The following JAK1 variants were observed in gnomAD, a reference collection of about 807,000 sequenced individuals.
JAK1 encodes the protein tyrosine-protein kinase JAK1.
JAK1 carries 16 observed loss-of-function variants against 136.6 expected under a neutral mutation model. That is an observed-to-expected ratio of 0.12 (90% CI 0.08 to 0.18). The LOEUF (loss-of-function observed/expected upper bound fraction) is 0.18. Ranked by LOEUF, JAK1 falls within the 10% of genes least tolerant of loss-of-function variation. The probability of loss-of-function intolerance (pLI) is 1.00; values close to 1 mark genes in which losing one functional copy is unlikely to be tolerated. For missense variants in JAK1, 859 were observed against 1,450.1 expected, an observed-to-expected ratio of 0.59 and a Z score of 6.62; for synonymous variants, 492 against 519.5, an observed-to-expected ratio of 0.95 and a Z score of 0.72.
At chr1:64,992,035 T>TA (rs1333927209) in intron 2 of JAK1, 1 of 152,194 alleles carries the variant, frequency 6.6e-6, no homozygotes, top group East Asian at 1.9e-4. Flanking sequence ...ACAATCCCTA[T>TA]AAAAATCCCA....
rs137855123 is a variant in JAK1 at position 64,883,336 on chromosome 1, C to T, written c.146G>A (p.Arg49Gln). Residue 49 changes from arginine (R) to glutamine (Q), a missense_variant, in exon 3 of 25, where the codon CGG becomes CAG. Arg to Gln is a conservative substitution (Grantham distance 43). This residue lies in a region of JAK1 where 353 missense variants were observed against 494.0 expected (regional missense o/e 0.71). Transcript: ENST00000342505. Reference sequence around the variant, plus strand: ...TGCTGTGTACTCTCCACTGCCCAGCCGGAGGGGCTCCCTGTCCGACAGATA... The same window carrying T: ...TGCTGTGTACTCTCCACTGCCCAGCTGGAGGGGCTCCCTGTCCGACAGATA... ...IFYLSDREPL[R>Q]LGSGEYTAEE... The T allele has an allele frequency of 1.9e-5, 30 of 1,614,202 alleles. No individual in the cohort carries two copies. Among genetic ancestry groups the T allele is most frequent in the African/African-American group, 2.7e-5 (2 of 75,052 alleles).
rs1355046457 is a variant in JAK1, at chr1:64,833,310, G to GTGAT, written c.*1248_*1251dup. On this transcript the variant is annotated 3_prime_UTR_variant, in exon 25 of 25. Transcript: ENST00000342505. The stretch of plus-strand genomic sequence containing the variant: ...CCACAGGTTTGACACAGAGACCTTG[G>GTGAT]TGATGTAGGCTATGAACAAATTTAA... 1 of 232,310 alleles carries GTGAT rather than the reference G, an allele frequency of 4.3e-6. No homozygotes were observed. Among genetic ancestry groups the GTGAT allele is most frequent in the Non-Finnish European group, 8.5e-6 (1 of 117,286 alleles). 14.4% of individuals were successfully genotyped at this position (232,310 alleles called of 1,614,324 possible). A position where few individuals can be genotyped will look rare whatever the true frequency, so the allele number is the denominator to read the frequency against.
At chr1:64,989,966 G>C (rs886932803) in intron 2 of JAK1, 1 of 151,444 alleles carries the variant, frequency 6.6e-6, no homozygotes, top group Non-Finnish European at 1.5e-5. Context: ...TTGTTTGTTT[G>C]TTTGTTTTGT....
intron 1 of JAK1, among the ~76,000 whole-genome samples, chr1:64,902,965 CTTTGCCCCGT>C (rs1645134377): frequency 2.0e-5 from 3 of 152,248 alleles, no homozygotes; most frequent in African/African-American, 7.2e-5. Context: ...ACTGTAAGGT[CTTTGCCCCGT>C]TTTCTTAATT....
chr1:65,063,175 A>G (rs770107682), intron 1 of JAK1, among the ~76,000 whole-genome samples: 3 of 152,242 alleles, frequency 2.0e-5, no homozygotes, highest in Non-Finnish European at 4.4e-5. Context: ...GATGAAGCAA[A>G]GAAAAAATAA....
At chr1:65,036,380 A>T (rs1647074956) in intron 2 of JAK1, among the ~76,000 whole-genome samples, 1 of 152,034 alleles carries the variant, frequency 6.6e-6, no homozygotes, top group Admixed American at 6.6e-5. Flanking sequence ...GGCTGCAGTG[A>T]ACTATGATAA....
At chr1:64,939,362 A>C (rs1268632842) in intron 1 of JAK1, among the ~76,000 whole-genome samples, 4 of 152,232 alleles carry the variant, frequency 2.6e-5, no homozygotes, top group African/African-American at 9.6e-5. Context: ...ACAAGGAAAG[A>C]AGTTCAAACG....
chr1:64,936,633 T>C (rs940400226), intron 1 of JAK1, among the ~76,000 whole-genome samples: 13 of 152,178 alleles, frequency 8.5e-5, no homozygotes, highest in South Asian at 2.1e-4. Context: ...CTGTGACCAG[T>C]AGCCAGGGTG....
At chr1:65,051,285 C>G (rs923423791) in intron 1 of JAK1, among the ~76,000 whole-genome samples, 1 of 151,630 alleles carries the variant, frequency 6.6e-6, no homozygotes, top group Non-Finnish European at 1.5e-5. Flanking sequence ...ATTAAAAATC[C>G]ATAATTCCCT....
At chr1:64,965,288 T>C (rs1265944703) in intron 1 of JAK1, among the ~76,000 whole-genome samples, 2 of 152,070 alleles carry the variant, frequency 1.3e-5, no homozygotes, top group Non-Finnish European at 1.5e-5. Flanking sequence ...AAAGTGTCAA[T>C]GACATGTATA....
intron 1 of JAK1, among the ~76,000 whole-genome samples, chr1:64,890,415 T>C (rs1340000654): frequency 6.6e-6 from 1 of 152,224 alleles, no homozygotes; most frequent in Non-Finnish European, 1.5e-5. Context: ...CCACTAACTC[T>C]ATACTAGCAA....
At chr1:64,847,804 C>T in intron 12 of JAK1, 129 bp from the exon 13 acceptor site, 2 of 1,014,750 alleles carry the variant, frequency 2.0e-6, no homozygotes, top group Non-Finnish European at 2.9e-6. Context: ...CTCCCTGCCC[C>T]AGCTCGTGGT....
Position 64,941,157 on chromosome 1 carries a change from T to A in JAK1, c.-78+25176A>T, listed in dbSNP as rs138497915. On this transcript the variant is annotated intron_variant, in intron 1 of 24. Coordinates refer to ENST00000342505, the MANE Select transcript of JAK1 (RefSeq NM_002227.4). ...TCCAGCCTGGGCTATGGACTCCAACTCAAAAATAATAATAATAAAAATAAA... is the reference window on the plus strand; with the variant it reads ...TCCAGCCTGGGCTATGGACTCCAACACAAAAATAATAATAATAAAAATAAA... 2.2e-4 allele frequency among the ~76,000 whole-genome samples: 33 copies of A among 152,206 alleles called. No homozygotes were observed. In the East Asian group the frequency reaches 6.0e-3, roughly 28 times the overall value.
chr1:64,919,377 T>C (rs1645456832), intron 1 of JAK1, among the ~76,000 whole-genome samples: 1 of 152,236 alleles, frequency 6.6e-6, no homozygotes, highest in Non-Finnish European at 1.5e-5. Context: ...TAGTATTCCA[T>C]GGTGTATATG....
chr1:65,049,948 GTCA>G (rs1647241076), intron 1 of JAK1, among the ~76,000 whole-genome samples: 1 of 152,130 alleles, frequency 6.6e-6, no homozygotes, highest in African/African-American at 2.4e-5. Flanking sequence ...CCCTCCTCCA[GTCA>G]TCTTTTTATG....
intron 1 of JAK1, among the ~76,000 whole-genome samples, chr1:64,913,701 A>AAGG (rs1557686779): frequency 4.3e-5 from 1 of 23,396 alleles, no homozygotes. Flanking sequence ...GGAAGGAAGG[A>AAGG]AAGAAGGGAG....
At chr1:64,897,474 AG>A (rs1645032647) in intron 1 of JAK1, among the ~76,000 whole-genome samples, 1 of 7,474 alleles carries the variant, frequency 1.3e-4, no homozygotes. Flanking sequence ...AGGGAGGAGG[AG>A]GGGGGGAGGG....
At chr1:64,933,580 G>C (rs1374790409) in intron 1 of JAK1, among the ~76,000 whole-genome samples, 1 of 152,160 alleles carries the variant, frequency 6.6e-6, no homozygotes, top group East Asian at 1.9e-4. Flanking sequence ...CTCTGCCATG[G>C]GCTGACGCCT....
intron 2 of JAK1, among the ~76,000 whole-genome samples, chr1:64,975,894 C>T (rs1477327791): frequency 6.6e-6 from 1 of 152,194 alleles, no homozygotes; most frequent in African/African-American, 2.4e-5. Flanking sequence ...TTTTCTCCTG[C>T]TGGTCCCTGG....
Sources: allele counts gnomAD v4.1 joint callset (sites outside exome capture counted in the v4.1 genomes callset), GRCh38; gene constraint gnomAD v4.1.1; regional missense constraint gnomAD v4.1.1; transcripts MANE v1.5; gene names NCBI Gene and HGNC (gene_info 2026-07-23, HGNC 2026-07-21).